BAZ2A: variants seen among roughly 807,000 people sequenced by gnomAD.
BAZ2A encodes the protein bromodomain adjacent to zinc finger domain 2A, also known as bromodomain adjacent to zinc finger domain protein 2A.
In BAZ2A, 34 loss-of-function variants were observed where a neutral mutation model predicts 199.9. That is an observed-to-expected ratio of 0.17 (90% CI 0.13 to 0.23). The LOEUF (loss-of-function observed/expected upper bound fraction) is 0.23, where lower values mean the gene tolerates loss of function less well. BAZ2A is among the 10% of genes least tolerant of loss of function. BAZ2A has a pLI of 1.00. For synonymous variants in BAZ2A, 857 were observed against 883.9 expected, an observed-to-expected ratio of 0.97 and a Z score of 0.54; for missense variants, 2,002 against 2,391.1, an observed-to-expected ratio of 0.84 and a Z score of 3.39.
chr12:56,632,789 A>G (rs1288536751), upstream of BAZ2A, among the ~76,000 whole-genome samples: 4 of 152,116 alleles, frequency 2.6e-5, no homozygotes, highest in Non-Finnish European at 5.9e-5. Context: ...CCTTGCTCTG[A>G]GGAAGGATGA....
At position 56,595,912 on chromosome 12, in the gene BAZ2A, TAC is replaced by T. The variant is rs1022245966; in HGVS notation, c.*2704_*2705del. 5.8e-5 allele frequency: 3 copies of T among 51,580 alleles called. No individual in the cohort carries two copies. The highest frequency in any genetic ancestry group is 1.1e-3 in the South Asian group (2 of 1,804). The allele number at this position is 51,580 out of a possible 1,614,324, so 3.2% of individuals were successfully genotyped here. A position where few individuals can be genotyped will look rare whatever the true frequency, so the allele number is the denominator to read the frequency against. On this transcript the variant is annotated 3_prime_UTR_variant, in exon 29 of 29. Coordinates refer to ENST00000549884, the MANE Select transcript of BAZ2A (RefSeq NM_001300905.2). ...TCAGGTGTGTAGAAGGGAAGATGAA[TAC>T]ACAGAGTCTTTTGAATCTCTATCAA...
intron 10 of BAZ2A, among the ~76,000 whole-genome samples, chr12:56,608,571 T>A (rs989574695): frequency 1.3e-5 from 2 of 151,384 alleles, no homozygotes; most frequent in Non-Finnish European, 2.9e-5. Context: ...TATTATTATA[T>A]TATTATTATT....
intron 1 of BAZ2A, among the ~76,000 whole-genome samples, chr12:56,622,124 A>C (rs1324467758): frequency 6.6e-6 from 1 of 152,114 alleles, no homozygotes; most frequent in African/African-American, 2.4e-5. Flanking sequence ...GGATCACCTG[A>C]AGTCAAGAGT....
rs772054019 is a variant in BAZ2A, at chr12:56,606,287, G to C, written c.2219C>G (p.Thr740Ser). ...GQARNKRKQETKSLKQKEAKK... is the reference protein window; with the variant it reads ...GQARNKRKQESKSLKQKEAKK... Reference sequence around the variant, plus strand: ...AGCTTCCTTCTGCTTTAAGCTCTTGGTCTCTTGTTTCCGCTTATTTCTGGC... The same window carrying C: ...AGCTTCCTTCTGCTTTAAGCTCTTGCTCTCTTGTTTCCGCTTATTTCTGGC... The change falls in exon 12 of 29, where the codon ACC becomes AGC. Residue 740 changes from threonine to serine, a missense_variant. Thr to Ser is a moderately conservative substitution (Grantham distance 58). This residue lies in a region of BAZ2A where 1,081 missense variants were observed against 1,274.7 expected (regional missense o/e 0.85). Coordinates refer to ENST00000549884, the MANE Select transcript of BAZ2A (RefSeq NM_001300905.2). The C allele has an allele frequency of 6.2e-7, 1 of 1,613,950 alleles. No homozygotes were observed. The highest frequency in any genetic ancestry group is 8.5e-7 in the Non-Finnish European group (1 of 1,179,898).
chr12:56,636,249 C>A (rs1218616943), exon 1 of BAZ2A: 2 of 1,565,928 alleles, frequency 1.3e-6, no homozygotes, highest in Non-Finnish European at 1.7e-6. Context: ...GCCTCCACTT[C>A]ACGTAAAGGT....
At position 56,610,508 on chromosome 12, in the gene BAZ2A, T is replaced by C; in HGVS notation, c.1680A>G (p.Arg560=). ...GGCTGCCCTTCTTGATGCGCACCTCTCTCCGCCACCTGCCAGAGAAGCACA... is the reference window on the plus strand; with the variant it reads ...GGCTGCCCTTCTTGATGCGCACCTCCCTCCGCCACCTGCCAGAGAAGCACA... ...VRLPLQHGWR[R]EVRIKKGSHR... is the part of the protein sequence containing the mutation. The change falls in exon 8 of 29, where the codon AGA becomes AGG. Residue 560 remains arginine, a synonymous_variant. Transcript: ENST00000549884. 1.2e-6 allele frequency: 2 copies of C among 1,611,054 alleles called. No homozygotes were observed. Among genetic ancestry groups the C allele is most frequent in the Non-Finnish European group, 1.7e-6 (2 of 1,178,768 alleles).
chr12:56,617,033 C>T (rs1180171454), intron 2 of BAZ2A, among the ~76,000 whole-genome samples: 2 of 152,288 alleles, frequency 1.3e-5, no homozygotes, highest in East Asian at 3.9e-4. Context: ...TACACTGCAA[C>T]CTTCATTCAA....
At position 56,599,424 on chromosome 12, in the gene BAZ2A, C is replaced by T. The variant is rs1886189567; in HGVS notation, c.5173-66G>A. 8 of 1,512,514 alleles carry T rather than the reference C, an allele frequency of 5.3e-6. No homozygotes were observed. In the East Asian group the frequency reaches 1.9e-4, roughly 36 times the overall value. 93.7% of individuals were successfully genotyped at this position (1,512,514 alleles called of 1,614,324 possible). ...TGCACTGCTTGCCCTACTACAATCT[C>T]TGCCTAAATATGATTTAAGGCTTCA... On this transcript the variant is annotated intron_variant, in intron 26 of 28. Transcript: ENST00000549884.
upstream of BAZ2A, among the ~76,000 whole-genome samples, chr12:56,631,554 G>A (rs1951311774): frequency 6.6e-6 from 1 of 151,920 alleles, no homozygotes; most frequent in South Asian, 2.1e-4. Context: ...GTCAAACAGT[G>A]GATAAAATAT....
Position 56,630,200 on chromosome 12 carries a change from G to T in BAZ2A, c.-78C>A. Reference sequence around the variant, plus strand: ...CAAGCGGTTCACATGGCCGCGCTCCGGGCGCCAGAACGGGTGGAGACGCCC... The same window carrying T: ...CAAGCGGTTCACATGGCCGCGCTCCTGGCGCCAGAACGGGTGGAGACGCCC... On this transcript the variant is annotated 5_prime_UTR_variant, in exon 1 of 29. Coordinates refer to ENST00000549884, the MANE Select transcript of BAZ2A (RefSeq NM_001300905.2). 1 of 985,594 alleles carries T rather than the reference G, an allele frequency of 1.0e-6. No homozygotes were observed. The highest frequency in any genetic ancestry group is 4.7e-5 in the South Asian group (1 of 21,296). The allele number at this position is 985,594 out of a possible 1,614,324, so 61.1% of individuals were successfully genotyped here.
chr12:56,610,609 T>TC, intron 7 of BAZ2A, 92 bp from the exon 8 acceptor site: 1 of 1,084,428 alleles, frequency 9.2e-7, no homozygotes, highest in East Asian at 2.6e-5. Context: ...CAGATGGCCC[T>TC]CCCCACATTT....
chr12:56,614,239 A>G, intron 3 of BAZ2A, 101 bp from the exon 4 acceptor site: 2 of 1,240,272 alleles, frequency 1.6e-6, no homozygotes, highest in South Asian at 2.7e-5. Flanking sequence ...ATGTTCATTC[A>G]TTCAACATTT....
rs1487525438 is a variant in BAZ2A, at chr12:56,596,710, T to C, written c.*1908A>G. 1.3e-5 allele frequency: 2 copies of C among 152,622 alleles called. No homozygotes were observed. Among genetic ancestry groups the C allele is most frequent in the Non-Finnish European group, 2.9e-5 (2 of 68,032 alleles). 9.5% of individuals were successfully genotyped at this position (152,622 alleles called of 1,614,324 possible). A position where few individuals can be genotyped will look rare whatever the true frequency, so the allele number is the denominator to read the frequency against. On this transcript the variant is annotated 3_prime_UTR_variant, in exon 29 of 29. Coordinates refer to ENST00000549884, the MANE Select transcript of BAZ2A (RefSeq NM_001300905.2). Reference sequence around the variant, plus strand: ...ACAGCGCAGTTATTTAGATAAAATATAAATATTTATGCATAATATAAAGTC... The same window carrying C: ...ACAGCGCAGTTATTTAGATAAAATACAAATATTTATGCATAATATAAAGTC...
rs749368661 is a variant in BAZ2A, at chr12:56,614,997, C to T, written c.730+17G>A. On this transcript the variant is annotated intron_variant, in intron 3 of 28. Coordinates refer to ENST00000549884, the MANE Select transcript of BAZ2A (RefSeq NM_001300905.2). ...CCATTTTTCCTTTCCCCACCCAGTTCACCAACCCAGTTATACCTGGCTGCT... is the reference window on the plus strand; with the variant it reads ...CCATTTTTCCTTTCCCCACCCAGTTTACCAACCCAGTTATACCTGGCTGCT... 6.2e-7 allele frequency: 1 copy of T among 1,602,478 alleles called. No homozygotes were observed. The highest frequency in any genetic ancestry group is 1.3e-5 in the African/African-American group (1 of 74,798).
intron 3 of BAZ2A, 125 bp downstream of exon 3, chr12:56,614,889 C>T: frequency 9.7e-7 from 1 of 1,036,244 alleles, no homozygotes. Flanking sequence ...TTGCTAATCA[C>T]CAACATGCAA....
Position 56,615,009 on chromosome 12 carries a change from T to C in BAZ2A, c.730+5A>G, listed in dbSNP as rs1191258366. Reference sequence around the variant, plus strand: ...TCCCCACCCAGTTCACCAACCCAGTTATACCTGGCTGCTCTTCTTCCAGCT... The same window carrying C: ...TCCCCACCCAGTTCACCAACCCAGTCATACCTGGCTGCTCTTCTTCCAGCT... On this transcript the variant is annotated splice_donor_5th_base_variant and intron_variant, in intron 3 of 28. Coordinates refer to ENST00000549884, the MANE Select transcript of BAZ2A (RefSeq NM_001300905.2). 3.1e-6 allele frequency: 5 copies of C among 1,608,776 alleles called. No individual in the cohort carries two copies. The highest frequency in any genetic ancestry group is 3.4e-6 in the Non-Finnish European group (4 of 1,177,888).
chr12:56,612,372 G>T, intron 5 of BAZ2A, 126 bp from the exon 6 acceptor site: 1 of 779,240 alleles, frequency 1.3e-6, no homozygotes, highest in Non-Finnish European at 2.0e-6. Context: ...CCCTAGGGTT[G>T]GAAAAAGAAG....
chr12:56,601,617 G>A lies in BAZ2A; in HGVS notation c.4000C>T (p.Pro1334Ser). The A allele has an allele frequency of 6.2e-7, 1 of 1,613,980 alleles. No homozygotes were observed. Among genetic ancestry groups the A allele is most frequent in the Non-Finnish European group, 8.5e-7 (1 of 1,179,886 alleles). ...ISAQMPCNAA[P>S]TPPPAVSEDQ... ...TCAGAAACTGCAGGGGGCGGTGTGG[G>A]GGCAGCATTGCAGGGCATCTGGGCT... The change falls in exon 20 of 29, where the codon CCC (proline) becomes TCC (serine). Residue 1334 changes from proline to serine, a missense_variant. Transcript: ENST00000549884.
chr12:56,631,782 G>T (rs1010229708), upstream of BAZ2A, among the ~76,000 whole-genome samples: 3 of 152,154 alleles, frequency 2.0e-5, no homozygotes, highest in Non-Finnish European at 2.9e-5. Context: ...GGGGGTCTGA[G>T]GAGGAAAGAG....
Sources: allele counts gnomAD v4.1 joint callset (sites outside exome capture counted in the v4.1 genomes callset), GRCh38; gene constraint gnomAD v4.1.1; regional missense constraint gnomAD v4.1.1; transcripts MANE v1.5; gene names NCBI Gene and HGNC (gene_info 2026-07-23, HGNC 2026-07-21).